Variants in NID1 observed in about 807,000 individuals in gnomAD.
The protein encoded by NID1 is nidogen 1.
In NID1, 76 loss-of-function variants were observed where a neutral mutation model predicts 130.6. The ratio of observed to expected loss-of-function variants is 0.58; its 90% CI spans 0.48 to 0.70. NID1 has a LOEUF of 0.70. NID1 is among the 30% of genes least tolerant of loss of function. NID1 has a pLI of 0.00. For synonymous variants in NID1, 665 were observed against 675.1 expected, an observed-to-expected ratio of 0.98 and a Z score of 0.23; for missense variants, 1,517 against 1,664.8, an observed-to-expected ratio of 0.91 and a Z score of 1.54.
chr1:236,058,766 G>C (rs1170217208), intron 1 of NID1, among the ~76,000 whole-genome samples: 1 of 152,170 alleles, frequency 6.6e-6, no homozygotes, highest in Non-Finnish European at 1.5e-5. Flanking sequence ...AATAGTCTAG[G>C]GGGAGCCTTC....
At chr1:236,035,034 G>T in intron 5 of NID1, among the ~76,000 whole-genome samples, 1 of 132,184 alleles carries the variant, frequency 7.6e-6, no homozygotes, top group South Asian at 2.4e-4. Context: ...GGGTACATGT[G>T]CACATTGTGC....
intron 12 of NID1, among the ~76,000 whole-genome samples, chr1:236,002,628 T>C (rs920694161): frequency 4.6e-5 from 7 of 152,202 alleles, no homozygotes; most frequent in African/African-American, 1.7e-4. Flanking sequence ...CTTTGCAGGC[T>C]GAGAGTGCAG....
intron 14 of NID1, among the ~76,000 whole-genome samples, chr1:235,990,200 A>G (rs967978411): frequency 6.6e-6 from 1 of 152,256 alleles, no homozygotes; most frequent in African/African-American, 2.4e-5. Context: ...TAGAAAAAGA[A>G]GAAAACACAA....
intron 1 of NID1, chr1:236,060,767 G>A (rs868849032): frequency 2.6e-5 from 3 of 113,582 alleles, no homozygotes; most frequent in African/African-American, 2.9e-5. Flanking sequence ...ATTAGACTGG[G>A]CAAAAAAAAA....
chr1:236,021,826 G>T (rs1658774027), intron 9 of NID1, among the ~76,000 whole-genome samples: 1 of 152,100 alleles, frequency 6.6e-6, no homozygotes, highest in South Asian at 2.1e-4. Flanking sequence ...CTTCCCCTTG[G>T]CAGTAGATTA....
At chr1:236,062,542 G>A (rs564336013) in intron 1 of NID1, among the ~76,000 whole-genome samples, 64 of 150,908 alleles carry the variant, frequency 4.2e-4, no homozygotes, top group African/African-American at 1.4e-3. Flanking sequence ...GCTGAGGCAG[G>A]AGAATCTCTT....
At chr1:236,045,055 T>C (rs1195759731) in intron 3 of NID1, among the ~76,000 whole-genome samples, 13 of 151,860 alleles carry the variant, frequency 8.6e-5, no homozygotes, top group Middle Eastern at 6.8e-3. Flanking sequence ...AAGAATTAGC[T>C]GGGCATGGTG....
intron 4 of NID1, among the ~76,000 whole-genome samples, chr1:236,038,682 GTTATATAGGT>G (rs1659335042): frequency 2.1e-5 from 3 of 140,066 alleles, no homozygotes; most frequent in East Asian, 4.4e-4. Context: ...TATTACCTAT[GTTATATAGGT>G]CATATATAAT....
chr1:235,990,642 T>G (rs140505286), intron 14 of NID1, among the ~76,000 whole-genome samples: 6 of 152,324 alleles, frequency 3.9e-5, no homozygotes, highest in African/African-American at 1.2e-4. Context: ...AGAGCAGATA[T>G]GAGGCTCTTA....
intron 5 of NID1, 45 bp from the exon 6 acceptor site, chr1:236,032,697 C>T (rs1659135583): frequency 6.2e-7 from 1 of 1,603,192 alleles, no homozygotes; most frequent in African/African-American, 1.3e-5. Context: ...ACTTCCAAGC[C>T]AGTCTTTCAA....
At chr1:236,002,266 G>A (rs1230051276) in intron 12 of NID1, among the ~76,000 whole-genome samples, 1 of 152,220 alleles carries the variant, frequency 6.6e-6, no homozygotes. Flanking sequence ...ACTCTGGAAA[G>A]ATGAGGCAGG....
intron 12 of NID1, among the ~76,000 whole-genome samples, chr1:236,004,622 C>T (rs1226557942): frequency 4.0e-5 from 6 of 151,374 alleles, no homozygotes; most frequent in African/African-American, 7.3e-5. Context: ...ATTAGCCAGG[C>T]GTGGTGGCGG....
intron 4 of NID1, among the ~76,000 whole-genome samples, chr1:236,039,364 C>T (rs1041275363): frequency 6.6e-6 from 1 of 151,362 alleles, no homozygotes; most frequent in Non-Finnish European, 1.5e-5. Context: ...CAGGCGGGTG[C>T]CATTGTGCCT....
intron 1 of NID1, among the ~76,000 whole-genome samples, chr1:236,051,944 GTCA>G (rs1195386784): frequency 4.6e-5 from 7 of 152,244 alleles, no homozygotes; most frequent in African/African-American, 1.4e-4. Flanking sequence ...TAGGACAAAT[GTCA>G]TGCAGCACTG....
intron 12 of NID1, among the ~76,000 whole-genome samples, chr1:236,004,706 G>A (rs557184978): frequency 6.9e-6 from 1 of 145,976 alleles, no homozygotes; most frequent in Non-Finnish European, 1.5e-5. Flanking sequence ...AGCTTGCAGT[G>A]AGCCGAGATC....
In NID1 at chr1:236,025,956, A is replaced by G; in HGVS notation, c.1924T>C (p.Tyr642His). 2 of 1,612,870 alleles carry G rather than the reference A, an allele frequency of 1.2e-6. No individual in the cohort carries two copies. Among genetic ancestry groups the G allele is most frequent in the Non-Finnish European group, 1.7e-6 (2 of 1,179,700 alleles). The change falls in exon 8 of 20, where the codon TAC (tyrosine) becomes CAC (histidine). Residue 642 changes from tyrosine (Y) to histidine (H), a missense_variant. Tyr to His is a moderately conservative substitution (Grantham distance 83, BLOSUM62 2). Around this residue, in one of 3 missense-constraint regions of NID1, gnomAD observed 1,329 missense variants for 1,429.2 expected, o/e 0.93. Coordinates refer to ENST00000264187, the MANE Select transcript of NID1 (RefSeq NM_002508.3). ...CGCAAGATCTTCTCCTCCTGGTTGT[A>G]CAGGACGAACACGCTGTCCACCGAG... ...QLSVDSVFVL[Y>H]NQEEKILRYA...
At chr1:236,000,901 G>A (rs1658055857) in intron 12 of NID1, among the ~76,000 whole-genome samples, 2 of 152,106 alleles carry the variant, frequency 1.3e-5, no homozygotes, top group African/African-American at 4.8e-5. Flanking sequence ...TGCAACCGTG[G>A]GAGAACCCAT....
At chr1:236,018,823 C>A (rs1012729215) in intron 9 of NID1, among the ~76,000 whole-genome samples, 1 of 152,232 alleles carries the variant, frequency 6.6e-6, no homozygotes, top group African/African-American at 2.4e-5. Context: ...TCTTCTCCCC[C>A]TCATAAATCT....
intron 12 of NID1, among the ~76,000 whole-genome samples, chr1:236,002,395 C>G (rs1172437770): frequency 6.6e-6 from 1 of 151,992 alleles, no homozygotes; most frequent in African/African-American, 2.4e-5. Context: ...CCCAGCTACT[C>G]GGGAGATTGA....
Sources: allele counts gnomAD v4.1 joint callset (sites outside exome capture counted in the v4.1 genomes callset), GRCh38; gene constraint gnomAD v4.1.1; regional missense constraint gnomAD v4.1.1; transcripts MANE v1.5; gene names NCBI Gene and HGNC (gene_info 2026-07-23, HGNC 2026-07-21).